Variants in SMOC2 observed in about 807,000 individuals in gnomAD.
SMOC2 encodes SPARC-related modular calcium-binding protein 2.
A neutral mutation model predicts 61.4 loss-of-function variants in SMOC2; 39 were observed. The ratio of observed to expected loss-of-function variants is 0.64; its 90% confidence interval spans 0.49 to 0.83. The LOEUF (loss-of-function observed/expected upper bound fraction) is 0.83, where lower values mean the gene tolerates loss of function less well. SMOC2 is among the 40% of genes least tolerant of loss of function. SMOC2 has a pLI of 0.00. For synonymous variants in SMOC2, 247 were observed against 239.9 expected, an observed-to-expected ratio of 1.03 and a Z score of -0.27; for missense variants, 556 against 592.9, an observed-to-expected ratio of 0.94 and a Z score of 0.65.
chr6:168,511,368 G>A (rs1277817759), intron 2 of SMOC2, among the ~76,000 whole-genome samples: 8 of 152,168 alleles, frequency 5.3e-5, no homozygotes, highest in African/African-American at 1.9e-4. Context: ...TTCTTCACAT[G>A]ATGGCAGGAA....
rs762840296 is a variant in SMOC2, at chr6:168,608,138, G to A, written c.825-19G>A. ...CCGTTGTTTTCTCTCTCCTTCCCCC[G>A]CCTTCCCCCCGCCCATAGGTACGAG... On this transcript the variant is annotated intron_variant, in intron 8 of 12. Transcript: ENST00000356284. 5.6e-5 allele frequency: 90 copies of A among 1,599,250 alleles called. No homozygotes were observed. Among genetic ancestry groups the A allele is most frequent in the East Asian group, 6.8e-5 (3 of 44,330 alleles).
chr6:168,607,913 A>G (rs974310812), intron 8 of SMOC2, among the ~76,000 whole-genome samples: 1 of 112,200 alleles, frequency 8.9e-6, no homozygotes, highest in Admixed American at 1.0e-4. Context: ...GGATGGAGAG[A>G]CGGCCCTGCT....
chr6:168,602,650 G>T (rs1233584933), intron 8 of SMOC2, among the ~76,000 whole-genome samples: 1 of 152,174 alleles, frequency 6.6e-6, no homozygotes, highest in Non-Finnish European at 1.5e-5. Flanking sequence ...AGGGTCTGTG[G>T]CTAAGACAGT....
In SMOC2 at chr6:168,603,438, T is replaced by C. The variant is rs151078547; in HGVS notation, c.824+4434T>C. On this transcript the variant is annotated intron_variant, in intron 8 of 12. Coordinates refer to ENST00000356284, the MANE Select transcript of SMOC2 (RefSeq NM_001166412.2). ...TCACGTCTCAGCTCCCCTGGGAAGC[T>C]GCTGGGACAGTTTAGCAGAGGAGTG... Among the ~76,000 whole-genome samples the C allele has an allele frequency of 5.3e-5, 8 of 152,162 alleles. No homozygotes were observed. In the East Asian group the frequency reaches 1.6e-3, roughly 30 times the overall value.
chr6:168,630,546 G>A (rs535532753), intron 9 of SMOC2, among the ~76,000 whole-genome samples: 100 of 152,272 alleles, frequency 6.6e-4, no homozygotes, highest in Non-Finnish European at 1.1e-3. Context: ...TGTAGAGCAC[G>A]TGTGTTTAAA....
chr6:168,663,324 T>A (rs956148663), intron 11 of SMOC2, among the ~76,000 whole-genome samples: 7 of 152,210 alleles, frequency 4.6e-5, no homozygotes, highest in Non-Finnish European at 1.0e-4. Context: ...CCTCGGGCTT[T>A]GACTCTACTC....
chr6:168,573,401 G>A (rs1019069427), intron 7 of SMOC2, among the ~76,000 whole-genome samples: 2 of 151,036 alleles, frequency 1.3e-5, no homozygotes, highest in Non-Finnish European at 2.9e-5. Context: ...GTCCCTGAAC[G>A]CGATGTTCAT....
chr6:168,650,042 G>T (rs2115272403), intron 9 of SMOC2, among the ~76,000 whole-genome samples: 1 of 152,276 alleles, frequency 6.6e-6, no homozygotes, highest in South Asian at 2.1e-4. Flanking sequence ...GGATGGAGGG[G>T]AAAGTCACGC....
chr6:168,523,098 T>TTTTTTTTTC (rs1562569015), intron 2 of SMOC2, among the ~76,000 whole-genome samples: 1 of 117,532 alleles, frequency 8.5e-6, no homozygotes, highest in Non-Finnish European at 2.0e-5. Context: ...TTTTTTTTTT[T>TTTTTTTTTC]TGAGACGGAG....
intron 1 of SMOC2, among the ~76,000 whole-genome samples, chr6:168,473,565 C>T (rs1782015625): frequency 6.6e-6 from 1 of 151,894 alleles, no homozygotes; most frequent in Admixed American, 6.6e-5. Flanking sequence ...CTCCAGGTGA[C>T]TGTGTGGGCA....
chr6:168,658,339 A>T (rs1787379191), intron 11 of SMOC2, among the ~76,000 whole-genome samples: 1 of 152,196 alleles, frequency 6.6e-6, no homozygotes, highest in South Asian at 2.1e-4. Flanking sequence ...ATTTCTGTAG[A>T]AGGCTAATTT....
chr6:168,443,481 C>T (rs1781262929), intron 1 of SMOC2, among the ~76,000 whole-genome samples: 1 of 152,132 alleles, frequency 6.6e-6, no homozygotes, highest in South Asian at 2.1e-4. Flanking sequence ...GAACAGTTTG[C>T]CTGAAATTTA....
chr6:168,636,463 G>A (rs1254756291), intron 9 of SMOC2, among the ~76,000 whole-genome samples: 1 of 152,194 alleles, frequency 6.6e-6, no homozygotes, highest in East Asian at 1.9e-4. Context: ...CCAGTGTTGA[G>A]GTCAGTGACA....
intron 1 of SMOC2, among the ~76,000 whole-genome samples, chr6:168,444,882 A>G (rs1433076724): frequency 6.6e-6 from 1 of 152,208 alleles, no homozygotes; most frequent in Non-Finnish European, 1.5e-5. Context: ...GAGAAGAACA[A>G]TATTGCCTGG....
intron 1 of SMOC2, among the ~76,000 whole-genome samples, chr6:168,495,899 T>C (rs1353373892): frequency 2.6e-5 from 4 of 152,192 alleles, no homozygotes; most frequent in Non-Finnish European, 5.9e-5. Flanking sequence ...TCCTCACCGA[T>C]GAGCGGTCAG....
chr6:168,585,691 G>A (rs887588806), intron 7 of SMOC2, among the ~76,000 whole-genome samples: 2 of 152,238 alleles, frequency 1.3e-5, no homozygotes, highest in Non-Finnish European at 2.9e-5. Context: ...GGTTTGGGTT[G>A]TTCTAGCAGG....
At chr6:168,501,571 A>G (rs773999665) in intron 1 of SMOC2, among the ~76,000 whole-genome samples, 24 of 152,180 alleles carry the variant, frequency 1.6e-4, no homozygotes, top group Non-Finnish European at 2.2e-4. Context: ...TGGGGGGAAG[A>G]TGGAACCAAG....
intron 1 of SMOC2, among the ~76,000 whole-genome samples, chr6:168,470,185 C>T (rs1409873414): frequency 6.6e-6 from 1 of 152,226 alleles, no homozygotes; most frequent in Non-Finnish European, 1.5e-5. Context: ...GGTGATCCTC[C>T]TGCACTTTGA....
rs1483857440 is a variant in SMOC2, at chr6:168,526,378, A to G, written c.289A>G (p.Thr97Ala). The change falls in exon 3 of 13, where the codon ACC becomes GCC. Residue 97 changes from threonine (T) to alanine (A), a missense_variant. Physicochemically the swap from Thr to Ala is moderately conservative, Grantham distance 58. Transcript: ENST00000356284. ...CAGGTGTGTGGCCGAAAGGAAGTAT[A>G]CCCAGGAGCAAGCCCGGAAGGAGTT... ...VSRCVAERKY[T>A]QEQARKEFQQ... 2 of 1,614,082 alleles carry G rather than the reference A, an allele frequency of 1.2e-6. No homozygotes were observed. Among genetic ancestry groups the G allele is most frequent in the Admixed American group, 3.3e-5 (2 of 59,998 alleles).
Sources: allele counts gnomAD v4.1 joint callset (sites outside exome capture counted in the v4.1 genomes callset), GRCh38; gene constraint gnomAD v4.1.1; transcripts MANE v1.5; gene names NCBI Gene and HGNC (gene_info 2026-07-23, HGNC 2026-07-21).